The following LFNG variants were observed in gnomAD, a reference collection of about 807,000 sequenced individuals.
LFNG encodes beta-1,3-N-acetylglucosaminyltransferase lunatic fringe.
In LFNG, 15 loss-of-function variants were observed where a neutral mutation model predicts 32.7. The ratio of observed to expected loss-of-function variants is 0.46; its 90% CI spans 0.31 to 0.71. The LOEUF (loss-of-function observed/expected upper bound fraction) is 0.71. Among genes scored for constraint, LFNG ranks in the 30% least tolerant of loss-of-function variants. The pLI is 0.06. For synonymous variants in LFNG, 274 were observed against 246.8 expected (o/e 1.11, Z -1.03); for missense variants, 520 against 545.7 (o/e 0.95, Z 0.47).
Position 2,526,316 on chromosome 7 carries a change from G to A in LFNG, c.894G>A (p.Glu298=). The part of the protein sequence containing the change: ...PDDCTIGYIV[E]ALLGVPLIRS... ...ACTGCACCATCGGCTACATCGTGGA[G>A]GCCCTGCTGGGTGTGCCCCTCATCC... Residue 298 remains glutamate, a synonymous_variant, in exon 6 of 8, where the codon GAG becomes GAA. Transcript: ENST00000222725. The surrounding 1 kb of genome is among the most constrained non-coding windows in gnomAD (Gnocchi z 6.9). The A allele has an allele frequency of 6.2e-7, 1 of 1,612,838 alleles. No homozygotes were observed. Among genetic ancestry groups the A allele is most frequent in the East Asian group, 2.2e-5 (1 of 44,862 alleles).
Position 2,528,035 on chromosome 7 carries a change from G to A in LFNG, c.*823G>A. ...TGTGCTGTTTTTTTTGAAAGGGGATGGGTAAAAAGTAGGGTGTTCTTGTTT... is the reference window on the plus strand; with the variant it reads ...TGTGCTGTTTTTTTTGAAAGGGGATAGGTAAAAAGTAGGGTGTTCTTGTTT... On this transcript the variant is annotated 3_prime_UTR_variant, in exon 8 of 8. Coordinates refer to ENST00000222725, the MANE Select transcript of LFNG (RefSeq NM_001040167.2). The A allele has an allele frequency of 1.0e-6, 1 of 980,036 alleles. No individual in the cohort carries two copies. Among genetic ancestry groups the A allele is most frequent in the African/African-American group, 1.8e-5 (1 of 55,850 alleles). 60.7% of individuals were successfully genotyped at this position (980,036 alleles called of 1,614,324 possible).
Position 2,520,999 on chromosome 7 carries a change from G to A in LFNG, c.432+706G>A, listed in dbSNP as rs778094325. On this transcript the variant is annotated intron_variant, in intron 1 of 7. Transcript: ENST00000222725. The surrounding 1 kb of genome is among the most constrained non-coding windows in gnomAD (Gnocchi z 5.0). ...CACAGCAGGACGGTTGGGCTGGGGC[G>A]GGATGGGGACAGTGTGTGGGGCTTG... Among the ~76,000 whole-genome samples, 45 of 152,358 alleles carry A rather than the reference G, an allele frequency of 3.0e-4. No individual in the cohort carries two copies. Among genetic ancestry groups the A allele is most frequent in the East Asian group, 7.7e-4 (4 of 5,190 alleles).
intron 1 of LFNG, among the ~76,000 whole-genome samples, chr7:2,522,619 G>T (rs1779825893): frequency 6.7e-6 from 1 of 149,426 alleles, no homozygotes; most frequent in South Asian, 2.3e-4. Flanking sequence ...TCCTCCTGCA[G>T]CCCCGTCTTC....
chr7:2,525,649 C>A (rs893240), intron 4 of LFNG, 36 bp from the exon 5 acceptor site: 1 of 1,612,018 alleles, frequency 6.2e-7, no homozygotes, highest in East Asian at 2.2e-5. Context: ...GGGGCAGCAG[C>A]GCCTGGGTCT....
chr7:2,527,887 G>A lies in LFNG; in HGVS notation c.*675G>A. The stretch of plus-strand genomic sequence containing the variant: ...GGGAGTCTTCCAGGCCTCCTCAGAG[G>A]TCTTCCCTTTGCCTCCCCAGGACAG... On this transcript the variant is annotated 3_prime_UTR_variant, in exon 8 of 8. Transcript: ENST00000222725. The surrounding 1 kb of genome is among the most constrained non-coding windows in gnomAD (Gnocchi z 4.4). 1 of 990,972 alleles carries A rather than the reference G, an allele frequency of 1.0e-6. No homozygotes were observed. The highest frequency in any genetic ancestry group is 1.2e-6 in the Non-Finnish European group (1 of 832,818). 61.4% of individuals were successfully genotyped at this position (990,972 alleles called of 1,614,324 possible). A position where few individuals can be genotyped will look rare whatever the true frequency, so the allele number is the denominator to read the frequency against.
At chr7:2,514,520 A>T (rs1001409623), upstream of LFNG, among the ~76,000 whole-genome samples, 2 of 150,936 alleles carry the variant, frequency 1.3e-5, no homozygotes, top group Non-Finnish European at 3.0e-5. Flanking sequence ...TCACCTGTCC[A>T]TCCATCCATC....
upstream of LFNG, chr7:2,513,396 T>C (rs73049130): frequency 0.053 from 78,878 of 1,478,784 alleles, 2,504 homozygotes; most frequent in Admixed American, 0.1. Flanking sequence ...GGAATATCCT[T>C]TGATGCTGTA....
In LFNG at chr7:2,526,796, G is replaced by A; in HGVS notation, c.988-40G>A. 6.3e-7 allele frequency: 1 copy of A among 1,587,790 alleles called. No homozygotes were observed. The highest frequency in any genetic ancestry group is 8.6e-7 in the Non-Finnish European group (1 of 1,158,406). On this transcript the variant is annotated intron_variant, in intron 6 of 7. Coordinates refer to ENST00000222725, the MANE Select transcript of LFNG (RefSeq NM_001040167.2). This position sits in a 1 kb window ranked among gnomAD's most constrained non-coding sequence, Gnocchi z 6.9. ...CCAGCCTGGGGCGGGGCCCAGGGAT[G>A]TCGGGCCCCTCCCGGCATCACTCCG...
intron 1 of LFNG, among the ~76,000 whole-genome samples, chr7:2,524,363 C>T (rs533573011): frequency 1.3e-5 from 2 of 152,262 alleles, no homozygotes; most frequent in East Asian, 1.9e-4. Flanking sequence ...GGTCGGGAAC[C>T]GGTTACCTGG....
chr7:2,519,802 T>C lies in LFNG; in HGVS notation c.-60T>C, dbSNP rs887298931. The C allele has an allele frequency of 8.1e-6, 8 of 982,008 alleles. No individual in the cohort carries two copies. In the African/African-American group the frequency reaches 8.8e-5, roughly 11 times the overall value. The allele number at this position is 982,008 out of a possible 1,614,324, so 60.8% of individuals were successfully genotyped here. ...GGACTGCGCCGCCGGAGCGACGGGC[T>C]TCGGGTCGGTGCAAGGCAGGCGCAC... On this transcript the variant is annotated 5_prime_UTR_variant, in exon 1 of 8. Coordinates refer to ENST00000222725, the MANE Select transcript of LFNG (RefSeq NM_001040167.2).
chr7:2,525,666 A>ACCTTCTC lies in LFNG; in HGVS notation c.736-9_736-3dup. 6.2e-7 allele frequency: 1 copy of ACCTTCTC among 1,612,840 alleles called. No homozygotes were observed. Among genetic ancestry groups the ACCTTCTC allele is most frequent in the Non-Finnish European group, 8.5e-7 (1 of 1,179,704 alleles). On this transcript the variant is annotated intron_variant, in intron 4 of 7. Transcript: ENST00000222725. ...GGCAGCAGCGCCTGGGTCTCAGGAC[A>ACCTTCTC]CCTTCTCCCTTCTCCCAGCGTCCTG...
exon 1 of LFNG, chr7:2,512,651 AG>A (rs1467587429): frequency 6.2e-7 from 1 of 1,613,632 alleles, no homozygotes; most frequent in Admixed American, 1.7e-5. Flanking sequence ...CAAAGCTCAG[AG>A]GGATGGATGA....
Position 2,520,177 on chromosome 7 carries a change from C to A in LFNG, c.316C>A (p.Leu106Met). 1 of 1,562,068 alleles carries A rather than the reference C, an allele frequency of 6.4e-7. No individual in the cohort carries two copies. Among genetic ancestry groups the A allele is most frequent in the Non-Finnish European group, 8.6e-7 (1 of 1,156,194 alleles). The change falls in exon 1 of 8, where the codon CTG becomes ATG. Residue 106 changes from leucine (L) to methionine (M), a missense_variant. Leu to Met is a conservative substitution (Grantham distance 15). Coordinates refer to ENST00000222725, the MANE Select transcript of LFNG (RefSeq NM_001040167.2). The surrounding 1 kb of genome is among the most constrained non-coding windows in gnomAD (Gnocchi z 5.0). ...PRPADGHPRP[L>M]AEPLAPRDVF... is the part of the protein sequence containing the mutation. ...CCCCGCCGACGGCCACCCGCGCCCC[C>A]TGGCCGAGCCGCTCGCGCCCCGAGA...
At position 2,526,431 on chromosome 7, in the gene LFNG, G is replaced by C. The variant is rs775638466; in HGVS notation, c.987+22G>C. ...GCAGGTGCACCATCCTCCGGGCCCCGCCAGGACTCCGAGAGCACAGGAAGG... is the reference window on the plus strand; with the variant it reads ...GCAGGTGCACCATCCTCCGGGCCCCCCCAGGACTCCGAGAGCACAGGAAGG... On this transcript the variant is annotated intron_variant, in intron 6 of 7. Coordinates refer to ENST00000222725, the MANE Select transcript of LFNG (RefSeq NM_001040167.2). This position sits in a 1 kb window ranked among gnomAD's most constrained non-coding sequence, Gnocchi z 6.9. The C allele has an allele frequency of 4.4e-6, 7 of 1,602,986 alleles. No homozygotes were observed. The African/African-American group carries it at 9.4e-5, about 21-fold the overall frequency.
Position 2,520,124 on chromosome 7 carries a change from C to A in LFNG, c.263C>A (p.Ala88Glu), listed in dbSNP as rs1238542079. 2 of 1,350,076 alleles carry A rather than the reference C, an allele frequency of 1.5e-6. No homozygotes were observed. Among genetic ancestry groups the A allele is most frequent in the South Asian group, 1.8e-5 (1 of 54,292 alleles). The allele number at this position is 1,350,076 out of a possible 1,614,324, so 83.6% of individuals were successfully genotyped here. ...CTGCTCACCCGCGCGCGCAGAGATG[C>A]GGGCCCGCCGCCCGGGGCTGCCCCC... ...FSLLTRARRDAGPPPGAAPRP... is the reference protein window; with the variant it reads ...FSLLTRARRDEGPPPGAAPRP... The change falls in exon 1 of 8, where the codon GCG (alanine) becomes GAG (glutamate). Residue 88 changes from alanine (A) to glutamate (E), a missense_variant. Transcript: ENST00000222725. This position sits in a 1 kb window ranked among gnomAD's most constrained non-coding sequence, Gnocchi z 5.0.
chr7:2,521,096 G>A (rs935808974), intron 1 of LFNG, among the ~76,000 whole-genome samples: 1 of 152,242 alleles, frequency 6.6e-6, no homozygotes, highest in Admixed American at 6.5e-5. Context: ...GGGGGCTCAG[G>A]GAAGACCCTG....
chr7:2,518,282 G>A (rs1779679393), upstream of LFNG, among the ~76,000 whole-genome samples: 1 of 152,160 alleles, frequency 6.6e-6, no homozygotes, highest in African/African-American at 2.4e-5. Context: ...TGGGAGACTT[G>A]TCACTTGGGC....
At chr7:2,515,687 G>T (rs1779612148), upstream of LFNG, among the ~76,000 whole-genome samples, 1 of 152,238 alleles carries the variant, frequency 6.6e-6, no homozygotes. Context: ...GGCAGGGCGG[G>T]TGAGGCACCA....
upstream of LFNG, among the ~76,000 whole-genome samples, chr7:2,518,254 T>C (rs113091447): frequency 9.8e-3 from 1,489 of 152,282 alleles, 34 homozygotes; most frequent in African/African-American, 0.034. Flanking sequence ...AAGGGGTTTA[T>C]GGCAGGAGGT....
Sources: allele counts gnomAD v4.1 joint callset (sites outside exome capture counted in the v4.1 genomes callset), GRCh38; gene constraint gnomAD v4.1.1; non-coding constraint Gnocchi (gnomAD v3.1); transcripts MANE v1.5; gene names NCBI Gene and HGNC (gene_info 2026-07-23, HGNC 2026-07-21).